The following SYNE1 variants were observed in gnomAD, a reference collection of about 807,000 sequenced individuals.
SYNE1 encodes the protein nesprin-1.
In SYNE1, 616 loss-of-function variants were observed where a neutral mutation model predicts 1,111.0. That is an observed-to-expected ratio of 0.55 (90% CI 0.52 to 0.59). The LOEUF is 0.59. Ranked by LOEUF, SYNE1 falls within the 20% of genes least tolerant of loss-of-function variation. The probability of loss-of-function intolerance (pLI) is 0.00; values close to 1 mark genes in which losing one functional copy is unlikely to be tolerated. For synonymous variants in SYNE1, 3,855 were observed against 3,825.8 expected (o/e 1.01, Z -0.28); for missense variants, 10,006 against 10,417.0 (o/e 0.96, Z 1.72).
At position 152,409,682 on chromosome 6, in the gene SYNE1, G is replaced by A. The variant is rs1359468444; in HGVS notation, c.6258C>T (p.Asp2086=). The change falls in exon 43 of 146, where the codon GAC becomes GAT. Residue 2086 remains aspartate (D), a synonymous_variant. Transcript: ENST00000367255. ...TCAGGTTCTGATATTCTCTCATTAA[G>A]TCAATAAGTCCACAGCACTGACCCT... ...ENQGQCCGLI[D]LMREYQNLKS... The A allele has an allele frequency of 6.2e-7, 1 of 1,613,698 alleles. No homozygotes were observed. The highest frequency in any genetic ancestry group is 8.5e-7 in the Non-Finnish European group (1 of 1,179,934).
At chr6:152,276,366 G>T (rs2153702132) in intron 98 of SYNE1, among the ~76,000 whole-genome samples, 1 of 151,758 alleles carries the variant, frequency 6.6e-6, no homozygotes, top group East Asian at 1.9e-4. Context: ...TTTTTTGTTG[G>T]ATTCTTTTAT....
chr6:152,262,145 C>T lies in SYNE1; in HGVS notation c.18859G>A (p.Glu6287Lys), dbSNP rs760324185. ...ATCTGGTCTTCAGCGGATGATTTCT[C>T]CCCTTCCATCCCCAACTCCTGGGAT... ...VLSQELGMEG[E>K]KSSAEDQMRM... is the part of the protein sequence containing the mutation. Residue 6287 changes from glutamate to lysine, a missense_variant, in exon 101 of 146, where the codon GAG becomes AAG. Glu to Lys is a moderately conservative substitution (Grantham distance 56). Transcript: ENST00000367255. 1 of 1,613,890 alleles carries T rather than the reference C, an allele frequency of 6.2e-7. No homozygotes were observed. The highest frequency in any genetic ancestry group is 2.2e-5 in the East Asian group (1 of 44,850).
intron 96 of SYNE1, among the ~76,000 whole-genome samples, chr6:152,282,241 C>A (rs1647181453): frequency 6.6e-6 from 1 of 151,986 alleles, no homozygotes; most frequent in South Asian, 2.1e-4. Context: ...AAATAACATA[C>A]CTATAGGACC....
chr6:152,528,874 G>A (rs1039330714), intron 4 of SYNE1, among the ~76,000 whole-genome samples: 2 of 152,096 alleles, frequency 1.3e-5, no homozygotes, highest in Non-Finnish European at 2.9e-5. Context: ...ACATTTATGG[G>A]TTTGTGTATT....
chr6:152,129,956 G>T lies in SYNE1; in HGVS notation c.26153+764C>A, dbSNP rs1260916485. On this transcript the variant is annotated intron_variant, in intron 145 of 145. Transcript: ENST00000367255. The stretch of plus-strand genomic sequence containing the variant: ...TTGAACTGATCAGTGGAGGAGCAGA[G>T]GAGCACAGACACCACACCGACAACA... 4.6e-5 allele frequency among the ~76,000 whole-genome samples: 7 copies of T among 152,200 alleles called. 1 individual carries two copies. Among genetic ancestry groups the T allele is most frequent in the Admixed American group, 3.9e-4 (6 of 15,280 alleles).
At chr6:152,428,176 G>C (rs773219483) in intron 37 of SYNE1, 29 bp downstream of exon 37, 1 of 1,610,716 alleles carries the variant, frequency 6.2e-7, no homozygotes, top group East Asian at 2.2e-5. Flanking sequence ...ATTTAGTAGT[G>C]CAGCAACTCA....
At position 152,141,250 on chromosome 6, in the gene SYNE1, C is replaced by T. The variant is rs769976238; in HGVS notation, c.25199G>A (p.Ser8400Asn). The change falls in exon 139 of 146, where the codon AGC becomes AAC. Residue 8400 changes from serine (S) to asparagine (N), a missense_variant. Ser to Asn is a conservative substitution (Grantham distance 46). This residue lies in a region of SYNE1 where 761 missense variants were observed against 795.5 expected (regional missense o/e 0.96). Transcript: ENST00000367255. ...LEHKLKEEEE[S>N]LPGFVNLHST... is the part of the protein sequence containing the mutation. ...ATGCAGGTTAACAAAGCCAGGAAGG[C>T]TCTCCTCTTCCTCCTTCAGTTTGTG... is the stretch of plus-strand genomic sequence containing the variant. The T allele has an allele frequency of 5.6e-5, 91 of 1,614,068 alleles. No individual in the cohort carries two copies. The highest frequency in any genetic ancestry group is 4.9e-5 in the Non-Finnish European group (58 of 1,180,040).
chr6:152,531,578 T>A (rs1038529210), intron 4 of SYNE1, among the ~76,000 whole-genome samples: 3 of 152,226 alleles, frequency 2.0e-5, no homozygotes, highest in African/African-American at 7.2e-5. Context: ...TATTTCCACA[T>A]TATTGTGCAA....
In SYNE1 at chr6:152,169,616, A is replaced by T. The variant is rs574958282; in HGVS notation, c.23628-5291T>A. Among the ~76,000 whole-genome samples, 179 of 130,576 alleles carry T rather than the reference A, an allele frequency of 1.4e-3. 2 individuals are homozygous for T. The highest frequency in any genetic ancestry group is 5.2e-3 in the African/African-American group (178 of 34,204). The allele number at this position is 130,576 out of a possible 152,430, so 85.7% of individuals were successfully genotyped here. ...ACCTGCCAGCCTGGGTTACAAAGTG[A>T]CACCTCATCTCAAAAAAAAAAAAAA... On this transcript the variant is annotated intron_variant, in intron 130 of 145. Transcript: ENST00000367255.
intron 98 of SYNE1, among the ~76,000 whole-genome samples, chr6:152,275,018 C>T (rs963487452): frequency 6.6e-6 from 1 of 152,186 alleles, no homozygotes; most frequent in Admixed American, 6.5e-5. Context: ...CAGCTTCTCC[C>T]ATCCCAGCTT....
intron 126 of SYNE1, among the ~76,000 whole-genome samples, chr6:152,203,442 C>T (rs1451588219): frequency 6.6e-6 from 1 of 152,142 alleles, no homozygotes; most frequent in Non-Finnish European, 1.5e-5. Context: ...TTCCTGCTCC[C>T]CACTCATCTC....
chr6:152,360,351 C>G (rs1038222946), intron 64 of SYNE1, among the ~76,000 whole-genome samples: 1 of 152,080 alleles, frequency 6.6e-6, no homozygotes, highest in African/African-American at 2.4e-5. Context: ...CCACAGGGCC[C>G]GAGGACCTGC....
At chr6:152,220,500 G>A (rs9383975) in intron 119 of SYNE1, among the ~76,000 whole-genome samples, 35,208 of 152,090 alleles carry the variant, frequency 0.23, 4,577 homozygotes, top group East Asian at 0.55. Context: ...ATCTGGAACA[G>A]AAGATTTTTT....
At chr6:152,212,757 T>C (rs774321087) in intron 123 of SYNE1, among the ~76,000 whole-genome samples, 4 of 152,184 alleles carry the variant, frequency 2.6e-5, no homozygotes, top group Non-Finnish European at 5.9e-5. Flanking sequence ...CAGCAATGTA[T>C]TAGGGTTCCA....
intron 27 of SYNE1, among the ~76,000 whole-genome samples, chr6:152,450,237 G>A (rs1223518913): frequency 6.6e-6 from 1 of 152,152 alleles, no homozygotes; most frequent in Non-Finnish European, 1.5e-5. Flanking sequence ...AGAAGGACAT[G>A]TTTGCTTCCC....
intron 8 of SYNE1, among the ~76,000 whole-genome samples, chr6:152,508,756 A>G (rs1250486591): frequency 1.3e-5 from 2 of 152,140 alleles, no homozygotes; most frequent in East Asian, 3.9e-4. Flanking sequence ...TTTTTATTTC[A>G]TTTCTACTTC....
chr6:152,373,351 C>A, intron 58 of SYNE1, 132 bp from the exon 59 acceptor site: 1 of 785,258 alleles, frequency 1.3e-6, no homozygotes, highest in South Asian at 1.9e-5. Flanking sequence ...GCGATCTCGG[C>A]TCACTGCAGC....
intron 138 of SYNE1, 137 bp from the exon 139 acceptor site, chr6:152,141,466 A>T (rs901098282): frequency 1.1e-5 from 13 of 1,210,198 alleles, no homozygotes; most frequent in Non-Finnish European, 1.5e-5. Flanking sequence ...GCTAAAAATA[A>T]GCCAAGATGG....
chr6:152,168,380 A>C, intron 130 of SYNE1: 1 of 576,908 alleles, frequency 1.7e-6, no homozygotes. Context: ...ATGTTTCTAA[A>C]TAAAACCTAC....
Sources: allele counts gnomAD v4.1 joint callset (sites outside exome capture counted in the v4.1 genomes callset), GRCh38; gene constraint gnomAD v4.1.1; regional missense constraint gnomAD v4.1.1; transcripts MANE v1.5; gene names NCBI Gene and HGNC (gene_info 2026-07-23, HGNC 2026-07-21).